Variants in NHS observed in about 807,000 individuals in gnomAD.
NHS encodes the protein NHS actin remodeling regulator.
NHS carries 5 observed loss-of-function variants against 72.5 expected under a neutral mutation model. The observed-to-expected ratio is 0.07, with a 90% CI of 0.04 to 0.14. The LOEUF is 0.14. NHS is among the 10% of genes least tolerant of loss of function. NHS has a pLI of 1.00. For missense variants in NHS, 1,072 were observed against 1,355.7 expected (o/e 0.79, Z 3.29); for synonymous variants, 464 against 547.7 (o/e 0.85, Z 2.13).
chrX:17,581,264 G>C (rs898423643), intron 1 of NHS, among the ~76,000 whole-genome samples: 35 of 112,088 alleles, frequency 3.1e-4, no homozygotes, highest in Non-Finnish European at 9.4e-5. Context: ...GGAGAGGAGT[G>C]AAAGTGTGGA....
intron 2 of NHS, 102 bp from the exon 3 acceptor site, chrX:17,692,233 C>CTTTT: frequency 2.2e-6 from 2 of 892,755 alleles, no homozygotes; most frequent in Non-Finnish European, 3.2e-6. Flanking sequence ...TGAAAACTCA[C>CTTTT]TTTTTTTTTT....
chrX:17,525,295 CAAT>C lies in NHS; in HGVS notation c.565+148981_565+148983del, dbSNP rs934045754. On this transcript the variant is annotated intron_variant, in intron 1 of 8. Transcript: ENST00000676302. ...AACAGAAACCTGATCATGATGATAG[CAAT>C]AATAATATCTTCTCACCATCTGAAC... 6.3e-5 allele frequency among the ~76,000 whole-genome samples: 7 copies of C among 111,654 alleles called. No homozygotes were observed. The East Asian group carries it at 8.4e-4, about 13-fold the overall frequency.
chrX:17,625,258 A>G (rs1451537098), intron 1 of NHS, among the ~76,000 whole-genome samples: 1 of 111,550 alleles, frequency 9.0e-6, no homozygotes, highest in East Asian at 2.8e-4. Flanking sequence ...TCTATGTTCC[A>G]TCTGGTATGG....
chrX:17,404,620 C>G (rs1388805256), intron 1 of NHS, among the ~76,000 whole-genome samples: 1 of 111,112 alleles, frequency 9.0e-6, no homozygotes, highest in Non-Finnish European at 1.9e-5. Flanking sequence ...AGCCTAATCT[C>G]TCCTTCTGCC....
intron 1 of NHS, among the ~76,000 whole-genome samples, chrX:17,489,817 A>G (rs149599788): frequency 0.01 from 1,144 of 111,938 alleles, 16 homozygotes; most frequent in African/African-American, 0.035. Flanking sequence ...AATGATTGCC[A>G]TTCTAACTGA....
At chrX:17,482,969 G>T (rs1038650898) in intron 1 of NHS, among the ~76,000 whole-genome samples, 2 of 111,749 alleles carry the variant, frequency 1.8e-5, no homozygotes, top group Non-Finnish European at 3.8e-5. Flanking sequence ...CTGACACCTC[G>T]TGGGGACACG....
intron 1 of NHS, among the ~76,000 whole-genome samples, chrX:17,470,139 T>C (rs1300520348): frequency 1.8e-5 from 2 of 110,518 alleles, no homozygotes; most frequent in Non-Finnish European, 3.8e-5. Context: ...AGAGGCGTGT[T>C]CTTATCCCTA....
chrX:17,507,827 G>T (rs895145826), intron 1 of NHS, among the ~76,000 whole-genome samples: 2 of 111,550 alleles, frequency 1.8e-5, no homozygotes, highest in Non-Finnish European at 3.8e-5. Flanking sequence ...ATGACATTCA[G>T]TCTTAACCTA....
At chrX:17,568,853 C>A (rs1322426310) in intron 1 of NHS, among the ~76,000 whole-genome samples, 2 of 107,614 alleles carry the variant, frequency 1.9e-5, no homozygotes, top group East Asian at 5.8e-4. Flanking sequence ...GTGTGATGTT[C>A]CCCTCCCTGT....
chrX:17,513,340 A>T (rs1241087281), intron 1 of NHS, among the ~76,000 whole-genome samples: 2 of 110,845 alleles, frequency 1.8e-5, no homozygotes, highest in East Asian at 5.7e-4. Flanking sequence ...TATTTCTCCC[A>T]CGTGTAGCTC....
chrX:17,681,144 C>G (rs1299117958), intron 1 of NHS, among the ~76,000 whole-genome samples: 1 of 111,559 alleles, frequency 9.0e-6, no homozygotes, highest in Non-Finnish European at 1.9e-5. Flanking sequence ...AAAGAGTGAT[C>G]TTTAGTAGCC....
At chrX:17,675,719 A>G (rs1055901404) in intron 1 of NHS, among the ~76,000 whole-genome samples, 1 of 112,331 alleles carries the variant, frequency 8.9e-6, no homozygotes, top group African/African-American at 3.2e-5. Flanking sequence ...TGGGTTAAGT[A>G]TTTGCCACTC....
intron 1 of NHS, among the ~76,000 whole-genome samples, chrX:17,433,346 C>A (rs1381036718): frequency 9.1e-6 from 1 of 109,632 alleles, no homozygotes; most frequent in Non-Finnish European, 1.9e-5. Flanking sequence ...TCACAAAGCC[C>A]CTTGGTTGTC....
At chrX:17,408,572 C>T (rs957249828) in intron 1 of NHS, among the ~76,000 whole-genome samples, 1 of 111,657 alleles carries the variant, frequency 9.0e-6, no homozygotes, top group South Asian at 3.8e-4. Context: ...CACAAAACAA[C>T]ATCCGTCTGT....
chrX:17,385,206 T>G (rs762258502), intron 1 of NHS, among the ~76,000 whole-genome samples: 1 of 111,948 alleles, frequency 8.9e-6, no homozygotes, highest in East Asian at 2.8e-4. Flanking sequence ...GTACATGAGG[T>G]TTGGCTGTAT....
chrX:17,722,857 T>C (rs1008483451), intron 5 of NHS, among the ~76,000 whole-genome samples: 3 of 111,118 alleles, frequency 2.7e-5, no homozygotes, highest in Non-Finnish European at 5.7e-5. Context: ...AATCTCATTT[T>C]CAAATTTAGT....
intron 1 of NHS, among the ~76,000 whole-genome samples, chrX:17,580,484 A>C (rs781571525): frequency 8.9e-6 from 1 of 112,407 alleles, no homozygotes; most frequent in East Asian, 2.8e-4. Flanking sequence ...GAATAGATAA[A>C]GTAGATAGTA....
chrX:17,723,770 T>TGTGTGCGTGTGCGC (rs541219770), intron 5 of NHS, among the ~76,000 whole-genome samples: 7 of 91,319 alleles, frequency 7.7e-5, no homozygotes, highest in African/African-American at 3.5e-4. Context: ...TGTGTGTGTG[T>TGTGTGCGTGTGCGC]GCGCGCGCGT....
intron 1 of NHS, among the ~76,000 whole-genome samples, chrX:17,678,744 A>C (rs1390929488): frequency 8.9e-6 from 1 of 112,052 alleles, no homozygotes; most frequent in Non-Finnish European, 1.9e-5. Flanking sequence ...AGAGAGAGAG[A>C]GAGCTGTATT....
Sources: gnomAD v4.1 joint callset for allele counts (sites outside exome capture counted in the v4.1 genomes callset) on GRCh38, gnomAD v4.1.1 for gene constraint, MANE v1.5 for transcripts, NCBI Gene and HGNC (gene_info 2026-07-23, HGNC 2026-07-21) for gene names.